DYSF: variants seen among roughly 807,000 people sequenced by gnomAD.
DYSF encodes the protein dysferlin.
Under a neutral mutation model 274.9 loss-of-function variants are expected in DYSF, and 212 were observed. The ratio of observed to expected loss-of-function variants is 0.77; its 90% CI spans 0.69 to 0.86. DYSF has a LOEUF of 0.86. Among genes scored for constraint, DYSF ranks in the 40% least tolerant of loss-of-function variants. The pLI is 0.00. For missense variants in DYSF, 2,666 were observed against 2,783.2 expected, an observed-to-expected ratio of 0.96 and a Z score of 0.95; for synonymous variants, 1,091 against 1,078.7, an observed-to-expected ratio of 1.01 and a Z score of -0.22.
At chr2:71,508,329 A>C (rs2152724076) in intron 4 of DYSF, among the ~76,000 whole-genome samples, 1 of 152,272 alleles carries the variant, frequency 6.6e-6, no homozygotes, top group South Asian at 2.1e-4. Context: ...GATGAAATTA[A>C]CATGGACACA....
At chr2:71,584,301 C>A (rs1020178393) in intron 30 of DYSF, among the ~76,000 whole-genome samples, 1 of 152,094 alleles carries the variant, frequency 6.6e-6, no homozygotes, top group Non-Finnish European at 1.5e-5. Flanking sequence ...CCTGTCCTGG[C>A]CTTGTCCACC....
chr2:71,685,694 C>T (rs2095348400), intron 55 of DYSF, among the ~76,000 whole-genome samples: 1 of 152,166 alleles, frequency 6.6e-6, no homozygotes, highest in African/African-American at 2.4e-5. Context: ...CAGAGCCAGC[C>T]GGGAGCAGGG....
chr2:71,655,815 G>A (rs146641238), intron 42 of DYSF, among the ~76,000 whole-genome samples: 35 of 152,210 alleles, frequency 2.3e-4, no homozygotes, highest in African/African-American at 7.9e-4. Context: ...TGACTCTCAG[G>A]TACTTACAAT....
In DYSF at chr2:71,513,169, G is replaced by A. The variant is rs2086274231; in HGVS notation, c.461-71G>A. ...GGAAGGCAGGGTTGGGGATGGAGGT[G>A]CAGTAGGTTGGTTTCCTTCACCCCA... On this transcript the variant is annotated intron_variant, in intron 5 of 55. Coordinates refer to ENST00000410020, the MANE Select transcript of DYSF (RefSeq NM_001130987.2). 5 of 1,404,148 alleles carry A rather than the reference G, an allele frequency of 3.6e-6. No homozygotes were observed. In the African/African-American group the frequency reaches 4.3e-5, roughly 12 times the overall value. 87.0% of individuals were successfully genotyped at this position (1,404,148 alleles called of 1,614,324 possible). A position where few individuals can be genotyped will look rare whatever the true frequency, so the allele number is the denominator to read the frequency against.
At chr2:71,681,393 T>C (rs1364012533) in intron 54 of DYSF, among the ~76,000 whole-genome samples, 1 of 152,230 alleles carries the variant, frequency 6.6e-6, no homozygotes, top group Non-Finnish European at 1.5e-5. Context: ...CTATGGAACC[T>C]TCCCTGCAGG....
intron 54 of DYSF, among the ~76,000 whole-genome samples, chr2:71,682,104 A>G (rs1272274612): frequency 2.0e-5 from 3 of 151,824 alleles, no homozygotes; most frequent in African/African-American, 2.4e-5. Flanking sequence ...TTCCCTGAGC[A>G]TGGACTAGCC....
chr2:71,611,652 C>T, intron 38 of DYSF, 26 bp downstream of exon 38: 1 of 1,610,236 alleles, frequency 6.2e-7, no homozygotes. Context: ...CTACTGTCCC[C>T]TTCCAGAGTC....
intron 4 of DYSF, among the ~76,000 whole-genome samples, chr2:71,510,296 C>G (rs577471838): frequency 3.9e-5 from 6 of 152,298 alleles, no homozygotes; most frequent in South Asian, 4.1e-4. Context: ...GAACTGGCAT[C>G]TCTAGGAGTC....
At chr2:71,578,767 G>T (rs2092794105) in intron 30 of DYSF, among the ~76,000 whole-genome samples, 1 of 152,070 alleles carries the variant, frequency 6.6e-6, no homozygotes, top group Admixed American at 6.5e-5. Context: ...AGCGAGCTGG[G>T]CCTTGCCTGC....
intron 4 of DYSF, among the ~76,000 whole-genome samples, chr2:71,503,559 C>A (rs1431016023): frequency 2.0e-5 from 3 of 152,162 alleles, no homozygotes; most frequent in Admixed American, 6.5e-5. Flanking sequence ...CTCGCAGCAG[C>A]TTGGCCTGCC....
intron 1 of DYSF, among the ~76,000 whole-genome samples, chr2:71,474,438 A>G (rs1238031937): frequency 6.6e-6 from 1 of 152,162 alleles, no homozygotes; most frequent in Non-Finnish European, 1.5e-5. Context: ...TGTATCTTCA[A>G]CTTCTGTTAA....
At chr2:71,662,446 A>G (rs1037525851) in intron 45 of DYSF, among the ~76,000 whole-genome samples, 5 of 150,704 alleles carry the variant, frequency 3.3e-5, no homozygotes, top group Admixed American at 1.3e-4. Context: ...ATGTGTGTGT[A>G]TGTGTGTATA....
At chr2:71,538,596 G>A (rs2089620973) in intron 16 of DYSF, among the ~76,000 whole-genome samples, 1 of 152,258 alleles carries the variant, frequency 6.6e-6, no homozygotes. Flanking sequence ...TCTCAAGGCT[G>A]TGTGAGCCTC....
At chr2:71,671,991 T>G (rs2095131633) in intron 51 of DYSF, among the ~76,000 whole-genome samples, 1 of 151,166 alleles carries the variant, frequency 6.6e-6, no homozygotes, top group African/African-American at 2.4e-5. Context: ...GGAAGAGAGG[T>G]CAGAGAGTGG....
chr2:71,563,004 C>T (rs1456263790), intron 23 of DYSF, among the ~76,000 whole-genome samples: 1 of 152,184 alleles, frequency 6.6e-6, no homozygotes, highest in East Asian at 1.9e-4. Flanking sequence ...GAGCCCTTCT[C>T]AAACTTGCAT....
At chr2:71,455,661 G>A (rs74336530) in intron 1 of DYSF, among the ~76,000 whole-genome samples, 22,591 of 152,176 alleles carry the variant, frequency 0.15, 2,235 homozygotes, top group East Asian at 0.45. Flanking sequence ...GCCCCTTGGC[G>A]GAGGGGAGGG....
intron 51 of DYSF, among the ~76,000 whole-genome samples, chr2:71,673,015 TG>T (rs939294302): frequency 2.0e-5 from 3 of 152,120 alleles, no homozygotes; most frequent in African/African-American, 7.2e-5. Context: ...CCTCTGAGGC[TG>T]GGGTGGCCAC....
At chr2:71,472,099 C>T (rs1410529944) in intron 1 of DYSF, among the ~76,000 whole-genome samples, 4 of 152,236 alleles carry the variant, frequency 2.6e-5, no homozygotes, top group South Asian at 4.1e-4. Flanking sequence ...TTTACTCAAC[C>T]CCCTACTGAT....
chr2:71,499,635 C>G (rs923549187), intron 3 of DYSF, among the ~76,000 whole-genome samples: 2 of 152,328 alleles, frequency 1.3e-5, no homozygotes, highest in Admixed American at 1.3e-4. Context: ...TCTTTTTCTA[C>G]GGAGGAAAAG....
Sources: allele counts gnomAD v4.1 joint callset (sites outside exome capture counted in the v4.1 genomes callset), GRCh38; gene constraint gnomAD v4.1.1; transcripts MANE v1.5; gene names NCBI Gene and HGNC (gene_info 2026-07-23, HGNC 2026-07-21).